Variants in COL6A6 observed in about 807,000 individuals in gnomAD.
The protein encoded by COL6A6 is collagen type VI alpha 6 chain.
COL6A6 carries 183 observed loss-of-function variants against 208.6 expected under a neutral mutation model. The ratio of observed to expected loss-of-function variants is 0.88; its 90% confidence interval spans 0.78 to 0.99. The LOEUF (loss-of-function observed/expected upper bound fraction) is 0.99. Among genes scored for constraint, COL6A6 ranks in the 50% least tolerant of loss-of-function variants. The probability of loss-of-function intolerance (pLI) is 0.00; values close to 1 mark genes in which losing one functional copy is unlikely to be tolerated. For missense variants in COL6A6, 2,816 were observed against 2,815.2 expected, an observed-to-expected ratio of 1.00 and a Z score of -0.01; for synonymous variants, 973 against 1,011.8, an observed-to-expected ratio of 0.96 and a Z score of 0.73.
chr3:130,569,591 T>C (rs1300731186), intron 6 of COL6A6, among the ~76,000 whole-genome samples: 2 of 152,236 alleles, frequency 1.3e-5, no homozygotes, highest in Admixed American at 1.3e-4. Context: ...GAAGGTTTGG[T>C]GCTCATGATC....
At chr3:130,661,280 A>G (rs1020240699) in intron 34 of COL6A6, among the ~76,000 whole-genome samples, 2 of 152,232 alleles carry the variant, frequency 1.3e-5, no homozygotes, top group African/African-American at 4.8e-5. Flanking sequence ...ATCTAGAGGG[A>G]TGAGTCACTG....
intron 36 of COL6A6, among the ~76,000 whole-genome samples, chr3:130,672,279 A>G (rs2066236704): frequency 6.6e-6 from 1 of 152,242 alleles, no homozygotes; most frequent in African/African-American, 2.4e-5. Context: ...ACAAGTTGCA[A>G]AATAGACGAT....
In COL6A6 at chr3:130,593,351, T is replaced by C. The variant is rs2063768369; in HGVS notation, c.4470+99T>C. 5 of 931,710 alleles carry C rather than the reference T, an allele frequency of 5.4e-6. No homozygotes were observed. The South Asian group carries it at 7.0e-5, about 13-fold the overall frequency. The allele number at this position is 931,710 out of a possible 1,614,324, so 57.7% of individuals were successfully genotyped here. A position where few individuals can be genotyped will look rare whatever the true frequency, so the allele number is the denominator to read the frequency against. The stretch of plus-strand genomic sequence containing the variant: ...AGTCAGCTATTGCTACAAAACTGTT[T>C]TGTGACAGTCATAAAACCTCAATCA... On this transcript the variant is annotated intron_variant, in intron 17 of 36. Transcript: ENST00000358511.
At chr3:130,655,440 C>T (rs929719728) in intron 33 of COL6A6, among the ~76,000 whole-genome samples, 9 of 152,142 alleles carry the variant, frequency 5.9e-5, no homozygotes, top group Admixed American at 3.3e-4. Context: ...CTATTAATTA[C>T]AGGATCCAAT....
intron 2 of COL6A6, among the ~76,000 whole-genome samples, chr3:130,562,483 A>G (rs1198932500): frequency 6.6e-6 from 1 of 152,142 alleles, no homozygotes; most frequent in Admixed American, 6.5e-5. Flanking sequence ...AAGATTGACT[A>G]TTCCATATTT....
At chr3:130,664,877 TCA>T in intron 35 of COL6A6, 124 bp from the exon 36 acceptor site, 1 of 624,316 alleles carries the variant, frequency 1.6e-6, no homozygotes, top group Admixed American at 3.3e-5. Context: ...TTTCATGTGA[TCA>T]CCTTAGTTGG....
At chr3:130,521,957 C>T (rs1264231494) in intron 1 of COL6A6, among the ~76,000 whole-genome samples, 2 of 152,164 alleles carry the variant, frequency 1.3e-5, no homozygotes, top group Non-Finnish European at 2.9e-5. Flanking sequence ...CTCACTTCTC[C>T]ACTCCTTTAC....
At chr3:130,661,161 C>A (rs929868943) in intron 34 of COL6A6, among the ~76,000 whole-genome samples, 15 of 152,158 alleles carry the variant, frequency 9.9e-5, no homozygotes, top group African/African-American at 3.6e-4. Context: ...TAGGTAGACA[C>A]TGAGTTATAA....
At chr3:130,552,726 G>A (rs1361062716) in intron 1 of COL6A6, among the ~76,000 whole-genome samples, 1 of 152,178 alleles carries the variant, frequency 6.6e-6, no homozygotes, top group Non-Finnish European at 1.5e-5. Context: ...AGACTTGTTT[G>A]TGTGGTTGCT....
rs72994346 is a variant in COL6A6, at chr3:130,598,443, G to A, written c.4599+13G>A. Reference sequence around the variant, plus strand: ...ACGTGGAAGACAAGTAATTACGTGGGCTTGTAAAATCGTGATGCAACAACT... The same window carrying A: ...ACGTGGAAGACAAGTAATTACGTGGACTTGTAAAATCGTGATGCAACAACT... On this transcript the variant is annotated intron_variant, in intron 19 of 36. Transcript: ENST00000358511. The A allele has an allele frequency of 1.5e-3, 2,271 of 1,536,858 alleles. 22 individuals carry two copies. The African/African-American group carries it at 0.026, about 18-fold the overall frequency.
At chr3:130,602,373 C>A (rs1448496172) in intron 20 of COL6A6, among the ~76,000 whole-genome samples, 1 of 152,136 alleles carries the variant, frequency 6.6e-6, no homozygotes, top group Non-Finnish European at 1.5e-5. Flanking sequence ...GGTGAATGGT[C>A]AGGAACATTA....
chr3:130,550,381 T>C (rs900932507), intron 1 of COL6A6, among the ~76,000 whole-genome samples: 2 of 152,228 alleles, frequency 1.3e-5, no homozygotes, highest in Non-Finnish European at 2.9e-5. Flanking sequence ...TGTTTTGTTC[T>C]GGTTTTCAAG....
chr3:130,635,060 C>T (rs1221342266), intron 27 of COL6A6, among the ~76,000 whole-genome samples: 3 of 151,990 alleles, frequency 2.0e-5, no homozygotes, highest in Non-Finnish European at 2.9e-5. Flanking sequence ...CATGGCAAAA[C>T]CCCATCTCTA....
At position 130,586,599 on chromosome 3, in the gene COL6A6, A is replaced by C. The variant is rs1397883837; in HGVS notation, c.4064A>C (p.Glu1355Ala). The C allele has an allele frequency of 6.2e-7, 1 of 1,614,010 alleles. No homozygotes were observed. The highest frequency in any genetic ancestry group is 1.7e-5 in the Admixed American group (1 of 60,028). The change falls in exon 11 of 37, where the codon GAG becomes GCG. Residue 1355 changes from glutamate to alanine, a missense_variant. Transcript: ENST00000358511. The stretch of plus-strand genomic sequence containing the variant: ...TATATTGAATTTGGGAAAGGATTTG[A>C]GTACAGGACACAGCTCTCTATTGGC... ...LPYIEFGKGFEYRTQLSIGMR... is the reference protein window; with the variant it reads ...LPYIEFGKGFAYRTQLSIGMR...
In COL6A6 at chr3:130,642,913, A is replaced by G. The variant is rs138360257; in HGVS notation, c.5190+46A>G. 390 of 1,613,128 alleles carry G rather than the reference A, an allele frequency of 2.4e-4. 3 individuals are homozygous for G. The African/African-American group carries it at 4.8e-3, about 20-fold the overall frequency. ...ACAGAGTGCTCTGAGTGCTCCATTC[A>G]ATTTACTTATTTTTAAACCTCAGGG... On this transcript the variant is annotated intron_variant, in intron 30 of 36. Coordinates refer to ENST00000358511, the MANE Select transcript of COL6A6 (RefSeq NM_001102608.3).
chr3:130,647,375 TTTG>T (rs1412391442), intron 32 of COL6A6, among the ~76,000 whole-genome samples: 5 of 152,216 alleles, frequency 3.3e-5, no homozygotes, highest in South Asian at 2.1e-4. Context: ...CTGAAGCATT[TTTG>T]TTGTTGTTTC....
chr3:130,641,579 T>C, intron 28 of COL6A6, 73 bp from the exon 29 acceptor site: 1 of 691,388 alleles, frequency 1.4e-6, no homozygotes, highest in Non-Finnish European at 2.2e-6. Context: ...AATTTTAATT[T>C]TTTAAAATTT....
intron 18 of COL6A6, among the ~76,000 whole-genome samples, chr3:130,596,295 A>G (rs1434739259): frequency 1.3e-5 from 2 of 152,222 alleles, no homozygotes; most frequent in Non-Finnish European, 2.9e-5. Context: ...CGTTTCAGTT[A>G]TCCATATATG....
chr3:130,590,288 TATATATA>T (rs2063658112), intron 12 of COL6A6, among the ~76,000 whole-genome samples: 5 of 25,002 alleles, frequency 2.0e-4, no homozygotes, highest in Non-Finnish European at 4.1e-4. Context: ...TATATATATA[TATATATA>T]TATATTTTTT....
Sources: gnomAD v4.1 joint callset for allele counts (sites outside exome capture counted in the v4.1 genomes callset) on GRCh38, gnomAD v4.1.1 for gene constraint, MANE v1.5 for transcripts, NCBI Gene and HGNC (gene_info 2026-07-23, HGNC 2026-07-21) for gene names.